Variants in USP20 observed in about 807,000 individuals in gnomAD.
USP20 encodes ubiquitin specific peptidase 20, also known as ubiquitin carboxyl-terminal hydrolase 20.
In USP20, 80 loss-of-function variants were observed where a neutral mutation model predicts 124.2. The ratio of observed to expected loss-of-function variants is 0.64; its 90% CI spans 0.54 to 0.78. The LOEUF (loss-of-function observed/expected upper bound fraction) is 0.78. USP20 is among the 30% of genes least tolerant of loss of function. USP20 has a pLI of 0.00. For synonymous variants in USP20, 481 were observed against 512.3 expected, an observed-to-expected ratio of 0.94 and a Z score of 0.83; for missense variants, 1,043 against 1,244.4, an observed-to-expected ratio of 0.84 and a Z score of 2.44.
intron 22 of USP20, among the ~76,000 whole-genome samples, chr9:129,877,675 GCA>G (rs1173546628): frequency 6.6e-6 from 1 of 151,958 alleles, no homozygotes; most frequent in Non-Finnish European, 1.5e-5. Flanking sequence ...TCCCGCCTGG[GCA>G]CAGAGTGAGA....
Position 129,878,329 on chromosome 9 carries a change from G to T in USP20, c.2410-9G>T, listed in dbSNP as rs375587244. 14 of 1,574,940 alleles carry T rather than the reference G, an allele frequency of 8.9e-6. No individual in the cohort carries two copies. The African/African-American group carries it at 1.9e-4, about 21-fold the overall frequency. Reference sequence around the variant, plus strand: ...CCTCTGTCTCCTCCCGTCCCTGCCCGCCTGCCAGTTGAACAAGGCCTTCCA... The same window carrying T: ...CCTCTGTCTCCTCCCGTCCCTGCCCTCCTGCCAGTTGAACAAGGCCTTCCA... On this transcript the variant is annotated splice_polypyrimidine_tract_variant and intron_variant, in intron 22 of 25. Transcript: ENST00000372429.
intron 9 of USP20, among the ~76,000 whole-genome samples, chr9:129,864,197 A>C (rs896820720): frequency 2.0e-5 from 3 of 151,952 alleles, no homozygotes; most frequent in Admixed American, 2.0e-4. Context: ...GGCCAGATGC[A>C]GTCACTGACA....
intron 7 of USP20, 67 bp from the exon 8 acceptor site, chr9:129,861,476 G>A: frequency 3.4e-6 from 5 of 1,479,126 alleles, no homozygotes; most frequent in Non-Finnish European, 4.7e-6. Context: ...TGCCAAATGT[G>A]ACTTGCAAGG....
rs376973656 is a variant in USP20, at chr9:129,860,913, C to G, written c.331-24C>G. ...CCCCAGCCCCTCTGTTCACTGTTTT[C>G]CTCACTTTGGGTCTTTAACACAGGA... is the stretch of plus-strand genomic sequence containing the variant. On this transcript the variant is annotated intron_variant, in intron 6 of 25. Coordinates refer to ENST00000372429, the MANE Select transcript of USP20 (RefSeq NM_001110303.4). 9 of 1,611,500 alleles carry G rather than the reference C, an allele frequency of 5.6e-6. No homozygotes were observed. The African/African-American group carries it at 1.1e-4, about 19-fold the overall frequency.
Position 129,881,706 on chromosome 9 carries a change from GC to G in USP20, c.*1258del, listed in dbSNP as rs145188445. ...CAGCCTTCTGAAAGCCGGCGCTGCA[GC>G]CAGAGGCCGCACGCTGCACTGTCGC... On this transcript the variant is annotated 3_prime_UTR_variant, in exon 26 of 26. Transcript: ENST00000372429. 1,959 of 152,474 alleles carry G rather than the reference GC, an allele frequency of 0.013. 20 individuals carry two copies. The highest frequency in any genetic ancestry group is 0.027 in the Middle Eastern group (8 of 294). The allele number at this position is 152,474 out of a possible 1,614,324, so 9.4% of individuals were successfully genotyped here.
chr9:129,841,843 G>C, intron 1 of USP20, among the ~76,000 whole-genome samples: 1 of 152,142 alleles, frequency 6.6e-6, no homozygotes, highest in Non-Finnish European at 1.5e-5. Context: ...CCCCTGCGGT[G>C]TGTCTGACTC....
Position 129,880,292 on chromosome 9 carries a change from A to AAC in USP20, c.*16+4_*16+5insCA. On this transcript the variant is annotated splice_donor_region_variant and intron_variant, in intron 25 of 25. Transcript: ENST00000372429. ...CGTGTGATCTGCTGGGCTAGTCTGT[A>AAC]AGTCGCCCCGGCTGGTCCCTCCATG... The AAC allele has an allele frequency of 6.4e-7, 1 of 1,567,800 alleles. No individual in the cohort carries two copies. The highest frequency in any genetic ancestry group is 8.6e-7 in the Non-Finnish European group (1 of 1,159,900).
rs2034545566 is a variant in USP20 at position 129,879,411 on chromosome 9, C to CA, written c.2513-161dup. On this transcript the variant is annotated intron_variant, in intron 23 of 25. Coordinates refer to ENST00000372429, the MANE Select transcript of USP20 (RefSeq NM_001110303.4). This position sits in a 1 kb window ranked among gnomAD's most constrained non-coding sequence, Gnocchi z 4.2. ...CTGGAAATTCCCTCTGCTGGGTCCTCAGACTGCCACAGAGGAGCATTGGGT... is the reference window on the plus strand; with the variant it reads ...CTGGAAATTCCCTCTGCTGGGTCCTCAAGACTGCCACAGAGGAGCATTGGGT... 1.5e-6 allele frequency: 1 copy of CA among 660,272 alleles called. No individual in the cohort carries two copies. Among genetic ancestry groups the CA allele is most frequent in the South Asian group, 1.9e-5 (1 of 53,972 alleles). The allele number at this position is 660,272 out of a possible 1,614,324, so 40.9% of individuals were successfully genotyped here.
intron 10 of USP20, among the ~76,000 whole-genome samples, chr9:129,867,103 A>G (rs1194064107): frequency 3.3e-5 from 5 of 152,062 alleles, no homozygotes; most frequent in African/African-American, 4.8e-5. Flanking sequence ...GGCTGCTTCT[A>G]ACAACCAGGT....
chr9:129,853,607 TTGG>T (rs1177811066), intron 3 of USP20, among the ~76,000 whole-genome samples: 3 of 152,236 alleles, frequency 2.0e-5, no homozygotes, highest in Non-Finnish European at 4.4e-5. Flanking sequence ...TTGGTGGCCT[TTGG>T]CCTGAGCTGG....
intron 22 of USP20, 32 bp from the exon 23 acceptor site, chr9:129,878,306 T>TCTGTCTCCTCCCGTCCCTGCCCG (rs748517186): frequency 1.3e-6 from 2 of 1,539,678 alleles, no homozygotes; most frequent in South Asian, 2.4e-5. Flanking sequence ...TGACCTGCCC[T>TCTGTCTCCTCCCGTCCCTGCCCG]CTGTCTCCTC....
chr9:129,873,541 C>G (rs779893778), intron 16 of USP20, 26 bp downstream of exon 16: 2 of 1,614,158 alleles, frequency 1.2e-6, no homozygotes, highest in Non-Finnish European at 1.7e-6. Context: ...CCCGCCTTCT[C>G]CCTAACTGCC....
chr9:129,863,327 C>A, intron 9 of USP20, 28 bp downstream of exon 9: 1 of 1,511,330 alleles, frequency 6.6e-7, no homozygotes, highest in Non-Finnish European at 9.0e-7. Context: ...TAGCCTTGGG[C>A]GGTGTGTGGG....
intron 1 of USP20, among the ~76,000 whole-genome samples, chr9:129,836,864 C>G (rs2031878771): frequency 2.0e-5 from 3 of 147,284 alleles, no homozygotes; most frequent in Admixed American, 2.0e-4. Flanking sequence ...TTGGGAATTG[C>G]TGCAGGAGTC....
intron 9 of USP20, 103 bp from the exon 10 acceptor site, chr9:129,865,200 A>G (rs2033762267): frequency 1.6e-6 from 2 of 1,247,956 alleles, no homozygotes; most frequent in African/African-American, 1.5e-5. Context: ...ATGTCAGGAA[A>G]CGCCACACTC....
chr9:129,880,415 G>A, intron 25 of USP20, 52 bp from the exon 26 acceptor site: 1 of 1,172,734 alleles, frequency 8.5e-7, no homozygotes, highest in Non-Finnish European at 1.2e-6. Flanking sequence ...GAGGATGTGG[G>A]AGGGCCCTGG....
chr9:129,873,080 C>CTTCTTTTTTTTTTT (rs1463874554), intron 15 of USP20, among the ~76,000 whole-genome samples: 1 of 78,366 alleles, frequency 1.3e-5, no homozygotes, highest in African/African-American at 4.7e-5. Context: ...TTTTCTTCTT[C>CTTCTTTTTTTTTTT]TTTTTTTTTT....
At chr9:129,846,156 C>T (rs2032528467) in intron 1 of USP20, among the ~76,000 whole-genome samples, 1 of 149,892 alleles carries the variant, frequency 6.7e-6, no homozygotes, top group South Asian at 2.1e-4. Flanking sequence ...ATCTTGATCT[C>T]CTGACCTCAT....
At chr9:129,869,536 C>A in intron 13 of USP20, 111 bp downstream of exon 13, 1 of 1,525,942 alleles carries the variant, frequency 6.6e-7, no homozygotes, top group Non-Finnish European at 9.0e-7. Context: ...TGCTTTTATC[C>A]AGGGGAGGGC....
Sources: gnomAD v4.1 joint callset for allele counts (sites outside exome capture counted in the v4.1 genomes callset) on GRCh38, gnomAD v4.1.1 for gene constraint, Gnocchi (gnomAD v3.1) non-coding constraint, MANE v1.5 for transcripts, NCBI Gene and HGNC (gene_info 2026-07-23, HGNC 2026-07-21) for gene names.